The following CFC1 variants were observed in gnomAD, a reference collection of about 807,000 sequenced individuals.
CFC1 encodes cryptic, EGF-CFC family member 1.
For missense variants in CFC1, 14 were observed against 120.0 expected, an observed-to-expected ratio of 0.12 and a Z score of 4.13; for synonymous variants, 8 against 50.7, an observed-to-expected ratio of 0.16 and a Z score of 3.58.
At chr2:130,595,558 C>T (rs1380944178) in intron 5 of CFC1, among the ~76,000 whole-genome samples, 3 of 147,054 alleles carry the variant, frequency 2.0e-5, no homozygotes, top group Non-Finnish European at 4.4e-5. Flanking sequence ...GGTTAAACCC[C>T]GTCTCTACTA....
chr2:130,594,921 CAG>C (rs1340822286), intron 5 of CFC1, among the ~76,000 whole-genome samples: 1 of 147,812 alleles, frequency 6.8e-6, no homozygotes. Flanking sequence ...GATCCCCAGA[CAG>C]AGAGTCCCTG....
chr2:130,593,145 GA>G, intron 5 of CFC1, 69 bp from the exon 6 acceptor site: 2 of 302,682 alleles, frequency 6.6e-6, no homozygotes, highest in Non-Finnish European at 1.3e-5. Flanking sequence ...GAGTGCAATA[GA>G]AACGCCTGCT....
chr2:130,596,935 G>T (rs1043642538), intron 5 of CFC1, among the ~76,000 whole-genome samples: 1 of 148,282 alleles, frequency 6.7e-6, no homozygotes. Flanking sequence ...TCTGGACACT[G>T]CACCACCAGC....
intron 5 of CFC1, among the ~76,000 whole-genome samples, chr2:130,593,965 A>G (rs1353515803): frequency 1.4e-5 from 2 of 142,738 alleles, no homozygotes; most frequent in Non-Finnish European, 3.0e-5. Flanking sequence ...GAGCATGCCC[A>G]ACTACAGGGA....
rs1388531768 is a variant in CFC1, at chr2:130,598,903, TTC to T, written c.73+5_73+6del. 1.1e-5 allele frequency: 13 copies of T among 1,215,184 alleles called. No homozygotes were observed. The highest frequency in any genetic ancestry group is 1.4e-5 in the Non-Finnish European group (12 of 858,558). The allele number at this position is 1,215,184 out of a possible 1,614,324, so 75.3% of individuals were successfully genotyped here. ...AAAACTGAAATTATGAATAAAATGT[TTC>T]TTACTGTTTCCCAAATTGATGATCT... On this transcript the variant is annotated splice_donor_5th_base_variant and intron_variant, in intron 2 of 5. Transcript: ENST00000259216.
chr2:130,594,245 GGA>G (rs745603429), intron 5 of CFC1, among the ~76,000 whole-genome samples: 15 of 148,352 alleles, frequency 1.0e-4, no homozygotes, highest in Non-Finnish European at 1.8e-4. Flanking sequence ...CCCCACCTTG[GGA>G]GAGAGGATTG....
rs1464665950 is a variant in CFC1, at chr2:130,593,038, T to TCGGC, written c.507_510dup (p.Ser171AlafsTer66). On this transcript the variant is annotated frameshift_variant, in exon 6 of 6. Transcript: ENST00000259216. LOFTEE classifies it low-confidence loss of function (END_TRUNC). The stretch of plus-strand genomic sequence containing the variant: ...AGCAGGCTGGGCGCGCCCCCGGCGC[T>TCGGC]CGGCCCGTGAGCGTGGGAGGCCAGG... 14 of 551,642 alleles carry TCGGC rather than the reference T, an allele frequency of 2.5e-5. No individual in the cohort carries two copies. The South Asian group carries it at 3.0e-4, about 12-fold the overall frequency. 34.2% of individuals were successfully genotyped at this position (551,642 alleles called of 1,614,324 possible).
chr2:130,594,503 C>T (rs1319344330), intron 5 of CFC1, among the ~76,000 whole-genome samples: 1 of 137,474 alleles, frequency 7.3e-6, no homozygotes, highest in Admixed American at 7.0e-5. Context: ...ATTCCAATGG[C>T]ATCCCAGAGG....
intron 5 of CFC1, among the ~76,000 whole-genome samples, chr2:130,595,734 T>C (rs1684948076): frequency 6.6e-6 from 1 of 151,140 alleles, no homozygotes; most frequent in South Asian, 2.1e-4. Context: ...TGAGACTCCA[T>C]CTCAAAAAAA....
intron 5 of CFC1, among the ~76,000 whole-genome samples, chr2:130,594,272 G>A (rs1443301666): frequency 1.3e-5 from 2 of 148,242 alleles, no homozygotes; most frequent in African/African-American, 5.3e-5. Context: ...AGGGGTGCCA[G>A]AATCCCCAAA....
intron 5 of CFC1, among the ~76,000 whole-genome samples, chr2:130,595,687 G>T (rs1384276802): frequency 2.0e-5 from 3 of 150,250 alleles, no homozygotes; most frequent in African/African-American, 7.6e-5. Flanking sequence ...GCAGTGAGCC[G>T]AGACTGCGCC....
intron 3 of CFC1, 81 bp downstream of exon 3, chr2:130,598,560 TC>T (rs1685006232): frequency 6.5e-7 from 1 of 1,537,994 alleles, no homozygotes; most frequent in Non-Finnish European, 8.8e-7. Context: ...CCTGAATTTA[TC>T]CTACATATTC....
In CFC1 at chr2:130,595,332, G is replaced by A. The variant is rs189600329; in HGVS notation, c.472+2162C>T. 1.3e-3 allele frequency among the ~76,000 whole-genome samples: 203 copies of A among 151,028 alleles called. 20 individuals carry two copies. The highest frequency in any genetic ancestry group is 4.7e-3 in the African/African-American group (190 of 40,218). On this transcript the variant is annotated intron_variant, in intron 5 of 5. Coordinates refer to ENST00000259216, the MANE Select transcript of CFC1 (RefSeq NM_032545.4). ...TTGCTATATTGCCCAGGCCGTTCTC[G>A]AACTCCTGGCCTCAAGCAATCTTCC...
At chr2:130,594,161 T>A (rs1301274306) in intron 5 of CFC1, among the ~76,000 whole-genome samples, 1 of 151,692 alleles carries the variant, frequency 6.6e-6, no homozygotes, top group Non-Finnish European at 1.5e-5. Context: ...TCTACACCTG[T>A]CCACAGGTAG....
rs1226266730 is a variant in CFC1 at position 130,598,892 on chromosome 2, GAATAA to G, written c.73+13_73+17del. On this transcript the variant is annotated intron_variant, in intron 2 of 5. Transcript: ENST00000259216. ...TTTATGCAATTAAAACTGAAATTAT[GAATAA>G]AATGTTTCTTACTGTTTCCCAAATT... 7.7e-7 allele frequency: 1 copy of G among 1,306,590 alleles called. No homozygotes were observed. The highest frequency in any genetic ancestry group is 1.6e-5 in the African/African-American group (1 of 62,192). The allele number at this position is 1,306,590 out of a possible 1,614,324, so 80.9% of individuals were successfully genotyped here.
intron 5 of CFC1, 34 bp from the exon 6 acceptor site, chr2:130,593,110 TAA>T: frequency 2.2e-6 from 1 of 457,240 alleles, no homozygotes; most frequent in South Asian, 2.1e-5. Flanking sequence ...ATGTATGAAA[TAA>T]AGTGTTCCGG....
At chr2:130,597,020 T>G (rs1424620318) in intron 5 of CFC1, among the ~76,000 whole-genome samples, 2 of 147,334 alleles carry the variant, frequency 1.4e-5, no homozygotes, top group African/African-American at 2.7e-5. Context: ...TGCCCTCCAT[T>G]GCTAGCCCCA....
chr2:130,593,982 C>G (rs1684894290), intron 5 of CFC1, among the ~76,000 whole-genome samples: 1 of 143,092 alleles, frequency 7.0e-6, no homozygotes, highest in Non-Finnish European at 1.5e-5. Context: ...GGGATCCTCT[C>G]CCCGGGGCCA....
At chr2:130,597,242 CAT>C (rs1684985913) in intron 5 of CFC1, among the ~76,000 whole-genome samples, 1 of 117,494 alleles carries the variant, frequency 8.5e-6, no homozygotes, top group Non-Finnish European at 1.6e-5. Context: ...CTGAAACGGA[CAT>C]GTGAGGACAT....
Sources: gnomAD v4.1 joint callset for allele counts (sites outside exome capture counted in the v4.1 genomes callset) on GRCh38, gnomAD v4.1.1 for gene constraint, MANE v1.5 for transcripts, NCBI Gene and HGNC (gene_info 2026-07-23, HGNC 2026-07-21) for gene names.